The following RAB8A variants were observed in gnomAD, a reference collection of about 807,000 sequenced individuals.
RAB8A encodes the protein ras-related protein Rab-8A.
In RAB8A, 5 loss-of-function variants were observed where a neutral mutation model predicts 29.2. That is an observed-to-expected ratio of 0.17 (90% CI 0.09 to 0.36). The LOEUF (loss-of-function observed/expected upper bound fraction) is 0.36, where lower values mean the gene tolerates loss of function less well. Ranked by LOEUF, RAB8A falls within the 10% of genes least tolerant of loss-of-function variation. RAB8A has a pLI of 1.00. For synonymous variants in RAB8A, 108 were observed against 99.9 expected (o/e 1.08, Z -0.49); for missense variants, 171 against 272.2 (o/e 0.63, Z 2.62).
rs2090881529 is a variant in RAB8A at position 16,122,966 on chromosome 19, A to G, written c.246+1156A>G. On this transcript the variant is annotated intron_variant, in intron 3 of 7. Coordinates refer to ENST00000300935, the MANE Select transcript of RAB8A (RefSeq NM_005370.5). The surrounding 1 kb of genome is among the most constrained non-coding windows in gnomAD (Gnocchi z 4.7). Reference sequence around the variant, plus strand: ...CTGTCCCGATCTTCTCTGGGCCCAAATAGCCACCTTCCACCCTGCCCTGAC... The same window carrying G: ...CTGTCCCGATCTTCTCTGGGCCCAAGTAGCCACCTTCCACCCTGCCCTGAC... Among the ~76,000 whole-genome samples, 1 of 152,092 alleles carries G rather than the reference A, an allele frequency of 6.6e-6. No homozygotes were observed. Among genetic ancestry groups the G allele is most frequent in the Admixed American group, 6.5e-5 (1 of 15,272 alleles).
In RAB8A at chr19:16,121,786, A is replaced by G; in HGVS notation, c.222A>G (p.Thr74=). The change falls in exon 3 of 8, where the codon ACA becomes ACG. Residue 74 remains threonine (T), a synonymous_variant. Transcript: ENST00000300935. ...TAGQERFRTI[T]TAYYRGAMGI... is the part of the protein sequence containing the mutation. ...GTCAGGAACGGTTTCGGACGATCAC[A>G]ACGGCCTACTACAGGGGTGCAATGG... 6.2e-7 allele frequency: 1 copy of G among 1,614,064 alleles called. No individual in the cohort carries two copies. The highest frequency in any genetic ancestry group is 8.5e-7 in the Non-Finnish European group (1 of 1,179,950).
chr19:16,131,074 T>A (rs62117910), intron 7 of RAB8A, among the ~76,000 whole-genome samples: 21,309 of 152,100 alleles, frequency 0.14, 1,771 homozygotes, highest in East Asian at 0.29. Context: ...TCCACCTGCC[T>A]CGGCCTCCCA....
chr19:16,128,580 A>G (rs1167896132), intron 6 of RAB8A, among the ~76,000 whole-genome samples: 1 of 152,094 alleles, frequency 6.6e-6, no homozygotes, highest in Non-Finnish European at 1.5e-5. Flanking sequence ...CATGTTTCCA[A>G]GGCGGATCTT....
At chr19:16,120,448 G>A (rs1231521688) in intron 2 of RAB8A, among the ~76,000 whole-genome samples, 1 of 151,614 alleles carries the variant, frequency 6.6e-6, no homozygotes, top group African/African-American at 2.4e-5. Flanking sequence ...GAGTAGCTGG[G>A]ATTACAGGCA....
Position 16,125,287 on chromosome 19 carries a change from G to A in RAB8A, c.247-183G>A. The A allele has an allele frequency of 1.6e-6, 1 of 621,168 alleles. No homozygotes were observed. Among genetic ancestry groups the A allele is most frequent in the South Asian group, 1.8e-5 (1 of 54,132 alleles). The allele number at this position is 621,168 out of a possible 1,614,324, so 38.5% of individuals were successfully genotyped here. On this transcript the variant is annotated intron_variant, in intron 3 of 7. Coordinates refer to ENST00000300935, the MANE Select transcript of RAB8A (RefSeq NM_005370.5). The surrounding 1 kb of genome is among the most constrained non-coding windows in gnomAD (Gnocchi z 5.0). ...GTGCCAGAACCCAGCAGAAAGAAGG[G>A]CCACAGGGATGGAGAGGAGGGGGCT... is the stretch of plus-strand genomic sequence containing the variant.
rs554517669 is a variant in RAB8A, at chr19:16,118,257, C to T, written c.156C>T (p.Leu52=). The T allele has an allele frequency of 6.8e-6, 11 of 1,611,304 alleles. No homozygotes were observed. The highest frequency in any genetic ancestry group is 4.4e-5 in the South Asian group (4 of 91,068). ...GIDFKIRTIE[L]DGKRIKLQIW... is the part of the protein sequence containing the mutation. ...ACTTTAAAATTAGGACCATAGAGCT[C>T]GATGGCAAGAGAATTAAACTGCAGA... Residue 52 remains leucine, a synonymous_variant, in exon 2 of 8, where the codon CTC becomes CTT. Coordinates refer to ENST00000300935, the MANE Select transcript of RAB8A (RefSeq NM_005370.5).
chr19:16,122,617 G>A lies in RAB8A; in HGVS notation c.246+807G>A, dbSNP rs1182040342. Among the ~76,000 whole-genome samples the A allele has an allele frequency of 1.3e-5, 2 of 152,188 alleles. No individual in the cohort carries two copies. The highest frequency in any genetic ancestry group is 2.9e-5 in the Non-Finnish European group (2 of 68,038). On this transcript the variant is annotated intron_variant, in intron 3 of 7. Transcript: ENST00000300935. The surrounding 1 kb of genome is among the most constrained non-coding windows in gnomAD (Gnocchi z 4.7). ...CATTTAATTGCTCAGGCAGCTGCCTGTTTCCTCGATGAGGGCAGCGCCACA... is the reference window on the plus strand; with the variant it reads ...CATTTAATTGCTCAGGCAGCTGCCTATTTCCTCGATGAGGGCAGCGCCACA...
chr19:16,117,834 G>A (rs1272080389), intron 1 of RAB8A, among the ~76,000 whole-genome samples: 1 of 152,202 alleles, frequency 6.6e-6, no homozygotes, highest in Non-Finnish European at 1.5e-5. Flanking sequence ...TTGACGCATG[G>A]TGGGGCCTAA....
Position 16,127,654 on chromosome 19 carries a change from T to C in RAB8A, c.414+128T>C. On this transcript the variant is annotated intron_variant, in intron 5 of 7. Coordinates refer to ENST00000300935, the MANE Select transcript of RAB8A (RefSeq NM_005370.5). The surrounding 1 kb of genome is among the most constrained non-coding windows in gnomAD (Gnocchi z 4.8). ...GGTCACCCCAGTGGGGCACGTGCCA[T>C]GGGATGACAGAAGCACACACCCAGC... The C allele has an allele frequency of 1.4e-6, 1 of 730,572 alleles. No homozygotes were observed. The highest frequency in any genetic ancestry group is 2.2e-6 in the Non-Finnish European group (1 of 459,154). The allele number at this position is 730,572 out of a possible 1,614,324, so 45.3% of individuals were successfully genotyped here.
Position 16,132,550 on chromosome 19 carries a change from A to AC in RAB8A, c.*249dup, listed in dbSNP as rs1203620361. The AC allele has an allele frequency of 1.9e-5, 10 of 515,330 alleles. No homozygotes were observed. In the East Asian group the frequency reaches 3.5e-4, roughly 18 times the overall value. The allele number at this position is 515,330 out of a possible 1,614,324, so 31.9% of individuals were successfully genotyped here. A position where few individuals can be genotyped will look rare whatever the true frequency, so the allele number is the denominator to read the frequency against. ...CCTGTAACATCTGCTGAACGGGCCC[A>AC]CCCACACGTTGTATATTCAGAGAGA... On this transcript the variant is annotated 3_prime_UTR_variant, in exon 8 of 8. Transcript: ENST00000300935. This position sits in a 1 kb window ranked among gnomAD's most constrained non-coding sequence, Gnocchi z 5.6.
At chr19:16,121,704 G>A in intron 2 of RAB8A, 46 bp from the exon 3 acceptor site, 1 of 1,571,576 alleles carries the variant, frequency 6.4e-7, no homozygotes, top group Non-Finnish European at 8.8e-7. Context: ...ACTGAGGACA[G>A]TTATTTTCCT....
chr19:16,125,644 C>G lies in RAB8A; in HGVS notation c.324+97C>G. ...GAAGGCCAAGGTGCAGAGACACATA[C>G]AGGCCACTTGCCCACAGCCTCCTAG... On this transcript the variant is annotated intron_variant, in intron 4 of 7. Coordinates refer to ENST00000300935, the MANE Select transcript of RAB8A (RefSeq NM_005370.5). This position sits in a 1 kb window ranked among gnomAD's most constrained non-coding sequence, Gnocchi z 5.0. 8.6e-7 allele frequency: 1 copy of G among 1,162,994 alleles called. No homozygotes were observed. The highest frequency in any genetic ancestry group is 1.3e-6 in the Non-Finnish European group (1 of 791,530). The allele number at this position is 1,162,994 out of a possible 1,614,324, so 72.0% of individuals were successfully genotyped here.
Position 16,125,159 on chromosome 19 carries a change from G to A in RAB8A, c.247-311G>A. ...CACCGTCAGGCTGCACCACCCCGTGGGCCATGAGGGGAGCCAGCCGGGCTT... is the reference window on the plus strand; with the variant it reads ...CACCGTCAGGCTGCACCACCCCGTGAGCCATGAGGGGAGCCAGCCGGGCTT... On this transcript the variant is annotated intron_variant, in intron 3 of 7. Coordinates refer to ENST00000300935, the MANE Select transcript of RAB8A (RefSeq NM_005370.5). This position sits in a 1 kb window ranked among gnomAD's most constrained non-coding sequence, Gnocchi z 5.0. The A allele has an allele frequency of 2.1e-6, 1 of 472,622 alleles. No homozygotes were observed. Among genetic ancestry groups the A allele is most frequent in the Non-Finnish European group, 3.9e-6 (1 of 255,554 alleles). 29.3% of individuals were successfully genotyped at this position (472,622 alleles called of 1,614,324 possible).
chr19:16,132,417 C>G lies in RAB8A; in HGVS notation c.*113C>G. The G allele has an allele frequency of 1.1e-6, 1 of 898,268 alleles. No individual in the cohort carries two copies. Among genetic ancestry groups the G allele is most frequent in the Non-Finnish European group, 1.7e-6 (1 of 584,342 alleles). The allele number at this position is 898,268 out of a possible 1,614,324, so 55.6% of individuals were successfully genotyped here. ...CTCCAACGCCCCGCCCACGCCGCGG[C>G]CACCGGGCCCACGGCCACCAGAATG... On this transcript the variant is annotated 3_prime_UTR_variant, in exon 8 of 8. Coordinates refer to ENST00000300935, the MANE Select transcript of RAB8A (RefSeq NM_005370.5). This position sits in a 1 kb window ranked among gnomAD's most constrained non-coding sequence, Gnocchi z 5.6.
chr19:16,123,710 A>G (rs973664458), intron 3 of RAB8A: 5 of 152,296 alleles, frequency 3.3e-5, no homozygotes, highest in African/African-American at 1.2e-4. Flanking sequence ...TGTAGCCAGT[A>G]TCAGTCATAT....
At chr19:16,116,343 AC>A (rs765328196) in intron 1 of RAB8A, among the ~76,000 whole-genome samples, 1 of 152,148 alleles carries the variant, frequency 6.6e-6, no homozygotes, top group Non-Finnish European at 1.5e-5. Context: ...AGCTGTTTCC[AC>A]TTTATTCGAG....
chr19:16,129,685 C>A, intron 7 of RAB8A, 81 bp downstream of exon 7: 1 of 1,409,968 alleles, frequency 7.1e-7, no homozygotes, highest in South Asian at 1.2e-5. Context: ...TATGACGTGC[C>A]CTAGATCCTG....
Position 16,132,077 on chromosome 19 carries a change from T to TTTCG in RAB8A, c.532-133_532-132insCGTT. The TTTCG allele has an allele frequency of 3.0e-6, 2 of 674,212 alleles. No homozygotes were observed. Among genetic ancestry groups the TTTCG allele is most frequent in the Non-Finnish European group, 5.2e-6 (2 of 384,228 alleles). The allele number at this position is 674,212 out of a possible 1,614,324, so 41.8% of individuals were successfully genotyped here. A position where few individuals can be genotyped will look rare whatever the true frequency, so the allele number is the denominator to read the frequency against. On this transcript the variant is annotated intron_variant, in intron 7 of 7. Transcript: ENST00000300935. The surrounding 1 kb of genome is among the most constrained non-coding windows in gnomAD (Gnocchi z 5.6). ...TTGGCTGGTTTGATTGGTTTGGTTG[T>TTTCG]TTGGTTGGTTGGTTGGTTGGTTGGT...
rs370702903 is a variant in RAB8A at position 16,125,943 on chromosome 19, G to A, written c.324+396G>A. On this transcript the variant is annotated intron_variant, in intron 4 of 7. Transcript: ENST00000300935. The surrounding 1 kb of genome is among the most constrained non-coding windows in gnomAD (Gnocchi z 5.0). ...CGTCAGTTGTACTTTGAGCTATATC[G>A]GAGCAGGGTGTGACCTGGTACAAAC... 9.0e-4 allele frequency: 313 copies of A among 349,474 alleles called. No individual in the cohort carries two copies. Among genetic ancestry groups the A allele is most frequent in the African/African-American group, 5.7e-3 (267 of 47,122 alleles). 21.6% of individuals were successfully genotyped at this position (349,474 alleles called of 1,614,324 possible).
Sources: gnomAD v4.1 joint callset for allele counts (sites outside exome capture counted in the v4.1 genomes callset) on GRCh38, gnomAD v4.1.1 for gene constraint, Gnocchi (gnomAD v3.1) non-coding constraint, MANE v1.5 for transcripts, NCBI Gene and HGNC (gene_info 2026-07-23, HGNC 2026-07-21) for gene names.